The following TEAD1 variants were observed in gnomAD, a reference collection of about 807,000 sequenced individuals.
The protein encoded by TEAD1 is transcriptional enhancer factor TEF-1.
Under a neutral mutation model 54.9 loss-of-function variants are expected in TEAD1, and 9 were observed. The observed-to-expected ratio is 0.16, with a 90% CI of 0.10 to 0.29. TEAD1 has a LOEUF of 0.29. TEAD1 is among the 10% of genes least tolerant of loss of function. The probability of loss-of-function intolerance (pLI) is 1.00; values close to 1 mark genes in which losing one functional copy is unlikely to be tolerated. For synonymous variants in TEAD1, 200 were observed against 187.8 expected (o/e 1.07, Z -0.53); for missense variants, 387 against 535.9 (o/e 0.72, Z 2.74).
At chr11:12,765,877 T>C (rs574088936) in intron 3 of TEAD1, among the ~76,000 whole-genome samples, 1 of 152,220 alleles carries the variant, frequency 6.6e-6, no homozygotes, top group Non-Finnish European at 1.5e-5. Context: ...AGATTTTCTC[T>C]ATGTCTGGAT....
intron 3 of TEAD1, among the ~76,000 whole-genome samples, chr11:12,836,929 G>A (rs1286188392): frequency 6.6e-6 from 1 of 152,200 alleles, no homozygotes; most frequent in African/African-American, 2.4e-5. Context: ...ATGAAATGCA[G>A]AGTTAAATAC....
intron 9 of TEAD1, among the ~76,000 whole-genome samples, chr11:12,898,053 A>C (rs1371761): frequency 0.068 from 10,402 of 152,238 alleles, 949 homozygotes; most frequent in East Asian, 0.46. Flanking sequence ...ATCCACCTCC[A>C]GCAGCGTCAT....
intron 2 of TEAD1, among the ~76,000 whole-genome samples, chr11:12,734,746 C>G (rs1944492794): frequency 6.6e-6 from 1 of 152,162 alleles, no homozygotes; most frequent in South Asian, 2.1e-4. Flanking sequence ...TAGGCTATAA[C>G]TGTACCAAAT....
chr11:12,773,464 G>C (rs1945353773), intron 3 of TEAD1, among the ~76,000 whole-genome samples: 1 of 152,188 alleles, frequency 6.6e-6, no homozygotes, highest in Non-Finnish European at 1.5e-5. Flanking sequence ...CATTGTGATA[G>C]GTGTGTAATT....
intron 2 of TEAD1, among the ~76,000 whole-genome samples, chr11:12,719,398 C>T (rs1399843833): frequency 6.6e-6 from 1 of 152,060 alleles, no homozygotes; most frequent in Non-Finnish European, 1.5e-5. Flanking sequence ...CATGAGCTTC[C>T]TGAGAGAGAT....
Position 12,879,841 on chromosome 11 carries a change from G to A in TEAD1, c.464G>A (p.Gly155Glu). The change falls in exon 6 of 13, where the codon GGG becomes GAG. Residue 155 changes from glycine to glutamate, a missense_variant and splice_region_variant. Gly to Glu is a moderately conservative substitution (Grantham distance 98, BLOSUM62 -2). Transcript: ENST00000527636. ...CGCCCGACCTTCCCAGGGGCGCCGG[G>A]GGTAAGTCATGAGCTCAGTCCAGTA... 1.9e-6 allele frequency: 3 copies of A among 1,613,252 alleles called. No homozygotes were observed. Among genetic ancestry groups the A allele is most frequent in the Non-Finnish European group, 2.5e-6 (3 of 1,180,030 alleles).
At chr11:12,686,606 GA>G (rs1943339762) in intron 2 of TEAD1, among the ~76,000 whole-genome samples, 1 of 152,064 alleles carries the variant, frequency 6.6e-6, no homozygotes, top group South Asian at 2.1e-4. Flanking sequence ...GGGGATTTCA[GA>G]TTATATTTTA....
chr11:12,774,375 G>A (rs1301614632), intron 3 of TEAD1, among the ~76,000 whole-genome samples: 2 of 152,152 alleles, frequency 1.3e-5, no homozygotes, highest in African/African-American at 4.8e-5. Flanking sequence ...TTTTAAAGAA[G>A]GTACCGAAGT....
Position 12,937,446 on chromosome 11 carries a change from A to G in TEAD1, c.*224A>G, listed in dbSNP as rs1250568220. 9.7e-6 allele frequency: 4 copies of G among 412,396 alleles called. No individual in the cohort carries two copies. Among genetic ancestry groups the G allele is most frequent in the African/African-American group, 2.0e-5 (1 of 49,810 alleles). The allele number at this position is 412,396 out of a possible 1,614,324, so 25.5% of individuals were successfully genotyped here. On this transcript the variant is annotated 3_prime_UTR_variant, in exon 13 of 13. Coordinates refer to ENST00000527636, the MANE Select transcript of TEAD1 (RefSeq NM_021961.6). Reference sequence around the variant, plus strand: ...GTGAAGTTCTGGTACAGTTGTAAAAAGAGAAATTGAGTTGTTTCTCTATGT... The same window carrying G: ...GTGAAGTTCTGGTACAGTTGTAAAAGGAGAAATTGAGTTGTTTCTCTATGT...
chr11:12,879,926 C>G, intron 6 of TEAD1, 84 bp downstream of exon 6: 1 of 1,595,600 alleles, frequency 6.3e-7, no homozygotes, highest in Admixed American at 1.7e-5. Flanking sequence ...ACCTCCATTT[C>G]TTGTCATGTG....
intron 11 of TEAD1, among the ~76,000 whole-genome samples, chr11:12,928,721 G>C (rs1371759): frequency 0.81 from 122,888 of 152,204 alleles, 49,746 homozygotes; most frequent in East Asian, 0.97. Flanking sequence ...TTTTTAGCAT[G>C]TACTTTTAAT....
chr11:12,887,763 T>A (rs1158377790), intron 9 of TEAD1, among the ~76,000 whole-genome samples: 1 of 152,192 alleles, frequency 6.6e-6, no homozygotes, highest in East Asian at 1.9e-4. Flanking sequence ...TAAGATAAAC[T>A]CAGCTGATAC....
chr11:12,766,337 A>G (rs1198264828), intron 3 of TEAD1, among the ~76,000 whole-genome samples: 1 of 152,218 alleles, frequency 6.6e-6, no homozygotes, highest in Non-Finnish European at 1.5e-5. Flanking sequence ...CAATTATATA[A>G]ATATTTTTAT....
intron 2 of TEAD1, among the ~76,000 whole-genome samples, chr11:12,677,565 C>T (rs974949145): frequency 1.3e-5 from 2 of 152,046 alleles, no homozygotes; most frequent in African/African-American, 4.8e-5. Context: ...AGTTTATAAA[C>T]AATTTTGTGT....
chr11:12,729,135 A>G (rs1402401473), intron 2 of TEAD1, among the ~76,000 whole-genome samples: 1 of 152,232 alleles, frequency 6.6e-6, no homozygotes, highest in Non-Finnish European at 1.5e-5. Context: ...ACCTCACACA[A>G]TGTAGGAACT....
chr11:12,764,050 C>T (rs1400071956), intron 2 of TEAD1, 129 bp from the exon 3 acceptor site: 10 of 650,514 alleles, frequency 1.5e-5, no homozygotes, highest in Non-Finnish European at 2.5e-5. Context: ...CCATGTGTAT[C>T]CCCAAAAAGA....
chr11:12,920,604 T>C (rs1243384943), intron 10 of TEAD1, among the ~76,000 whole-genome samples: 4 of 152,130 alleles, frequency 2.6e-5, no homozygotes, highest in Admixed American at 2.0e-4. Flanking sequence ...TCCTGAGTAA[T>C]TGGGACTACA....
chr11:12,839,530 T>C (rs2134030892), intron 3 of TEAD1, among the ~76,000 whole-genome samples: 1 of 152,358 alleles, frequency 6.6e-6, no homozygotes, highest in East Asian at 1.9e-4. Context: ...ACAGTTATTA[T>C]GTCCCAGGTG....
intron 10 of TEAD1, among the ~76,000 whole-genome samples, chr11:12,919,046 T>A (rs1475932285): frequency 6.6e-6 from 1 of 152,234 alleles, no homozygotes; most frequent in Non-Finnish European, 1.5e-5. Flanking sequence ...GGGTGCTGGC[T>A]CACTTGATGA....
Sources: gnomAD v4.1 joint callset for allele counts (sites outside exome capture counted in the v4.1 genomes callset) on GRCh38, gnomAD v4.1.1 for gene constraint, MANE v1.5 for transcripts, NCBI Gene and HGNC (gene_info 2026-07-23, HGNC 2026-07-21) for gene names.